Variants in GLIS3 observed in about 807,000 individuals in gnomAD.
The protein encoded by GLIS3 is zinc finger protein GLIS3.
GLIS3 carries 53 observed loss-of-function variants against 78.6 expected under a neutral mutation model. That is an observed-to-expected ratio of 0.67 (90% CI 0.54 to 0.85). GLIS3 has a LOEUF of 0.85. GLIS3 is among the 40% of genes least tolerant of loss of function. The probability of loss-of-function intolerance (pLI) is 0.00; values close to 1 mark genes in which losing one functional copy is unlikely to be tolerated. For synonymous variants in GLIS3, 684 were observed against 509.9 expected (o/e 1.34, Z -4.60); for missense variants, 1,703 against 1,231.1 (o/e 1.38, Z -5.74).
intron 2 of GLIS3, among the ~76,000 whole-genome samples, chr9:4,197,439 TAGG>T (rs1231687305): frequency 6.6e-6 from 1 of 152,150 alleles, no homozygotes; most frequent in Non-Finnish European, 1.5e-5. Context: ...TCTCCTGGAT[TAGG>T]AGTTTAGGCT....
intron 2 of GLIS3, among the ~76,000 whole-genome samples, chr9:4,196,003 C>T (rs1818805882): frequency 6.6e-6 from 1 of 151,540 alleles, no homozygotes; most frequent in African/African-American, 2.4e-5. Context: ...CCTATCAGTG[C>T]TCTGTGTCTA....
chr9:4,437,575 A>T, the GLIS3 span, among the ~76,000 whole-genome samples: 2 of 152,234 alleles, frequency 1.3e-5, no homozygotes, highest in African/African-American at 4.8e-5. Flanking sequence ...CAGCTGGCCC[A>T]AAGTCGCAAA....
intron 2 of GLIS3, among the ~76,000 whole-genome samples, chr9:4,167,013 G>C (rs1815911799): frequency 6.6e-6 from 1 of 152,118 alleles, no homozygotes. Context: ...GGAGAAGGTG[G>C]ATATAAGAAA....
At chr9:4,439,053 G>C in the GLIS3 span, among the ~76,000 whole-genome samples, 6 of 152,124 alleles carry the variant, frequency 3.9e-5, no homozygotes, top group African/African-American at 1.4e-4. Context: ...GCCAATGTTG[G>C]TTCCTCACCA....
chr9:4,349,815 A>G (rs1197221714), upstream of GLIS3, among the ~76,000 whole-genome samples: 1 of 152,276 alleles, frequency 6.6e-6, no homozygotes, highest in Non-Finnish European at 1.5e-5. Context: ...GGTGGCAAGA[A>G]GAAATGAAGT....
At chr9:4,007,892 G>A (rs1563942145) in intron 4 of GLIS3, among the ~76,000 whole-genome samples, 3 of 129,520 alleles carry the variant, frequency 2.3e-5, no homozygotes, top group African/African-American at 8.8e-5. Flanking sequence ...GGGGTGGGTG[G>A]GCGTTGGGGG....
rs1586720944 is a variant in GLIS3, at chr9:4,118,069, T to G, written c.1409A>C (p.His470Pro). Residue 470 changes from histidine (H) to proline (P), a missense_variant, in exon 4 of 11, where the codon CAC (histidine) becomes CCC (proline). Physicochemically the swap from His to Pro is moderately conservative, Grantham distance 77. Transcript: ENST00000381971. The surrounding 1 kb of genome is among the most constrained non-coding windows in gnomAD (Gnocchi z 4.7). ...CTGGGCGTGGGGCCCGAGCTCCGGGTGGTGAAGGTGCGCATGGGCATGGTA... is the reference window on the plus strand; with the variant it reads ...CTGGGCGTGGGGCCCGAGCTCCGGGGGGTGAAGGTGCGCATGGGCATGGTA... ...PPYHAHAHLH[H>P]PELGPHAQQL... 5.5e-6 allele frequency: 8 copies of G among 1,453,594 alleles called. No individual in the cohort carries two copies. Among genetic ancestry groups the G allele is most frequent in the African/African-American group, 3.2e-5 (2 of 61,780 alleles). The allele number at this position is 1,453,594 out of a possible 1,614,324, so 90.0% of individuals were successfully genotyped here. A position where few individuals can be genotyped will look rare whatever the true frequency, so the allele number is the denominator to read the frequency against.
chr9:4,344,585 C>T (rs557429983), intron 2 of GLIS3, among the ~76,000 whole-genome samples: 1 of 152,196 alleles, frequency 6.6e-6, no homozygotes, highest in Non-Finnish European at 1.5e-5. Flanking sequence ...AGTCTTCTGG[C>T]TTTAAATATC....
the GLIS3 span, among the ~76,000 whole-genome samples, chr9:4,461,268 C>T: frequency 6.6e-6 from 1 of 152,168 alleles, no homozygotes; most frequent in Non-Finnish European, 1.5e-5. Context: ...GCCTTATATA[C>T]TCCAGAAAGA....
chr9:3,839,078 T>C (rs1818554496), intron 9 of GLIS3, among the ~76,000 whole-genome samples: 1 of 152,198 alleles, frequency 6.6e-6, no homozygotes, highest in Non-Finnish European at 1.5e-5. Flanking sequence ...TAGAATACCA[T>C]AAAAATTTCT....
the GLIS3 span, among the ~76,000 whole-genome samples, chr9:4,434,846 C>G: frequency 1.3e-5 from 2 of 152,326 alleles, no homozygotes; most frequent in African/African-American, 4.8e-5. Context: ...GGGATGCTGA[C>G]TACAACCCAT....
At chr9:4,098,199 G>A (rs908295253) in intron 4 of GLIS3, among the ~76,000 whole-genome samples, 2 of 152,112 alleles carry the variant, frequency 1.3e-5, no homozygotes, top group African/African-American at 2.4e-5. Flanking sequence ...TTTGTAACAC[G>A]TTCTTACTTA....
chr9:4,203,338 T>A (rs1010034563), intron 2 of GLIS3, among the ~76,000 whole-genome samples: 2 of 152,108 alleles, frequency 1.3e-5, no homozygotes, highest in African/African-American at 4.8e-5. Flanking sequence ...CAGATGCTAG[T>A]GAGGCTGTGG....
In GLIS3 at chr9:4,097,106, C is replaced by T. The variant is rs572993485; in HGVS notation, c.1710+20662G>A. ...ACTCCTTACTCCATGGGGAGGGCTT[C>T]TGTTCACAGAAATCTTCCTCCCATT... On this transcript the variant is annotated intron_variant, in intron 4 of 10. Transcript: ENST00000381971. 5.3e-5 allele frequency among the ~76,000 whole-genome samples: 8 copies of T among 152,286 alleles called. No homozygotes were observed. The East Asian group carries it at 1.5e-3, about 29-fold the overall frequency.
the GLIS3 span, among the ~76,000 whole-genome samples, chr9:4,450,819 G>A: frequency 7.9e-5 from 12 of 152,262 alleles, no homozygotes; most frequent in East Asian, 2.1e-3. Flanking sequence ...GTCACCACCA[G>A]GCCTGCCTTA....
At chr9:4,393,137 G>A in the GLIS3 span, among the ~76,000 whole-genome samples, 2 of 151,896 alleles carry the variant, frequency 1.3e-5, no homozygotes, top group African/African-American at 4.8e-5. Context: ...AATAGTATAA[G>A]GAACTCTGTA....
chr9:4,252,333 C>T (rs1824479648), intron 2 of GLIS3, among the ~76,000 whole-genome samples: 1 of 152,008 alleles, frequency 6.6e-6, no homozygotes, highest in Admixed American at 6.6e-5. Context: ...GTAAATTTGT[C>T]TTCATGCTTT....
intron 9 of GLIS3, among the ~76,000 whole-genome samples, chr9:3,845,987 T>A (rs986788129): frequency 6.6e-6 from 1 of 152,172 alleles, no homozygotes; most frequent in African/African-American, 2.4e-5. Context: ...GAGTAAACAA[T>A]GCCTTCTTTA....
intron 8 of GLIS3, among the ~76,000 whole-genome samples, chr9:3,859,463 C>A (rs1481413165): frequency 6.6e-6 from 1 of 150,848 alleles, no homozygotes; most frequent in African/African-American, 2.4e-5. Flanking sequence ...TATTTTAAAT[C>A]AAATGAAGGT....
Sources: allele counts gnomAD v4.1 joint callset (sites outside exome capture counted in the v4.1 genomes callset), GRCh38; gene constraint gnomAD v4.1.1; non-coding constraint Gnocchi (gnomAD v3.1); transcripts MANE v1.5; gene names NCBI Gene and HGNC (gene_info 2026-07-23, HGNC 2026-07-21).